The following SEMA6D variants were observed in gnomAD, a reference collection of about 807,000 sequenced individuals.
SEMA6D encodes semaphorin-6D.
Under a neutral mutation model 106.6 loss-of-function variants are expected in SEMA6D, and 35 were observed. That is an observed-to-expected ratio of 0.33 (90% CI 0.25 to 0.44). SEMA6D has a LOEUF of 0.44. SEMA6D is among the 20% of genes least tolerant of loss of function. SEMA6D has a pLI of 1.00. For synonymous variants in SEMA6D, 499 were observed against 487.7 expected (o/e 1.02, Z -0.31); for missense variants, 1,185 against 1,345.9 (o/e 0.88, Z 1.87).
At chr15:47,655,074 C>T (rs2077766271) in intron 4 of SEMA6D, among the ~76,000 whole-genome samples, 1 of 152,088 alleles carries the variant, frequency 6.6e-6, no homozygotes, top group African/African-American at 2.4e-5. Flanking sequence ...AGTTCAAACC[C>T]ATGTTGTTCA....
chr15:47,404,020 G>T, intron 1 of SEMA6D, among the ~76,000 whole-genome samples: 1 of 152,178 alleles, frequency 6.6e-6, no homozygotes, highest in East Asian at 1.9e-4. Flanking sequence ...TTTAAAAAGT[G>T]TGTTCTAGAG....
chr15:47,740,604 C>T (rs1181759400), intron 1 of SEMA6D, among the ~76,000 whole-genome samples: 1 of 152,124 alleles, frequency 6.6e-6, no homozygotes, highest in East Asian at 1.9e-4. Flanking sequence ...CTCTCATATC[C>T]ACTCTGCCTG....
At chr15:47,417,061 A>G (rs189314518) in intron 2 of SEMA6D, among the ~76,000 whole-genome samples, 216 of 152,228 alleles carry the variant, frequency 1.4e-3, no homozygotes, top group Non-Finnish European at 2.2e-3. Context: ...GATAAAGGCA[A>G]TCTTTTTTAT....
intron 1 of SEMA6D, among the ~76,000 whole-genome samples, chr15:47,186,756 A>G (rs1317903309): frequency 6.6e-6 from 1 of 152,198 alleles, no homozygotes; most frequent in Non-Finnish European, 1.5e-5. Context: ...CTGTATACTC[A>G]TTTAACCATC....
In SEMA6D at chr15:47,769,317, GA is replaced by G. The variant is rs911995144; in HGVS notation, c.1933+578del. 1.4e-4 allele frequency among the ~76,000 whole-genome samples: 21 copies of G among 151,178 alleles called. No individual in the cohort carries two copies. In the South Asian group the frequency reaches 1.9e-3, roughly 14 times the overall value. ...TAGCTTATTAAATATATTACTCTAG[GA>G]AAAAAAAATCTATTCTTTAGTACTT... On this transcript the variant is annotated intron_variant, in intron 18 of 18. Transcript: ENST00000536845.
intron 3 of SEMA6D, among the ~76,000 whole-genome samples, chr15:47,588,742 T>A (rs2076386134): frequency 6.6e-6 from 1 of 152,188 alleles, no homozygotes. Context: ...AGAAGGCAGT[T>A]ACACTTAGAC....
intron 1 of SEMA6D, among the ~76,000 whole-genome samples, chr15:47,252,410 G>T (rs1352552209): frequency 6.6e-6 from 1 of 152,012 alleles, no homozygotes; most frequent in African/African-American, 2.4e-5. Flanking sequence ...TAACTTTCAT[G>T]ATTTACTTTT....
chr15:47,528,630 C>A, intron 3 of SEMA6D, among the ~76,000 whole-genome samples: 1 of 152,134 alleles, frequency 6.6e-6, no homozygotes, highest in Non-Finnish European at 1.5e-5. Context: ...CACCATGTAG[C>A]AGGATAGATA....
intron 2 of SEMA6D, among the ~76,000 whole-genome samples, chr15:47,454,103 A>G (rs532068999): frequency 1.3e-5 from 2 of 152,036 alleles, no homozygotes; most frequent in South Asian, 2.1e-4. Context: ...CAGTTTTTCC[A>G]TGCACTCAGT....
At chr15:47,538,608 C>T (rs1311334474) in intron 3 of SEMA6D, among the ~76,000 whole-genome samples, 1 of 152,138 alleles carries the variant, frequency 6.6e-6, no homozygotes, top group African/African-American at 2.4e-5. Flanking sequence ...TGTGAGATAA[C>T]CACAGTGGCT....
chr15:47,487,321 C>T (rs1021011557), intron 3 of SEMA6D, among the ~76,000 whole-genome samples: 2 of 152,166 alleles, frequency 1.3e-5, no homozygotes, highest in East Asian at 1.9e-4. Context: ...GTAGTTCTAT[C>T]GATGCCCCTC....
intron 1 of SEMA6D, among the ~76,000 whole-genome samples, chr15:47,224,121 A>C (rs2031446164): frequency 6.6e-6 from 1 of 151,948 alleles, no homozygotes; most frequent in Non-Finnish European, 1.5e-5. Context: ...AGTAACCTGC[A>C]CAATGTGCAC....
intron 3 of SEMA6D, among the ~76,000 whole-genome samples, chr15:47,574,530 C>T (rs1031653846): frequency 6.6e-5 from 10 of 152,212 alleles, no homozygotes; most frequent in Admixed American, 5.2e-4. Context: ...CTAGAGAACC[C>T]TCAGCAAGAA....
intron 1 of SEMA6D, among the ~76,000 whole-genome samples, chr15:47,272,331 G>A (rs554774406): frequency 6.6e-6 from 1 of 152,264 alleles, no homozygotes; most frequent in East Asian, 1.9e-4. Flanking sequence ...AAAAGATGGA[G>A]TTTGCCTATG....
At chr15:47,355,920 T>A (rs2038546410) in intron 1 of SEMA6D, among the ~76,000 whole-genome samples, 1 of 152,168 alleles carries the variant, frequency 6.6e-6, no homozygotes, top group Non-Finnish European at 1.5e-5. Flanking sequence ...AAGTCTCTGT[T>A]TACAGTATTT....
At chr15:47,636,311 G>A (rs947982333) in intron 4 of SEMA6D, among the ~76,000 whole-genome samples, 4 of 152,168 alleles carry the variant, frequency 2.6e-5, no homozygotes, top group Non-Finnish European at 5.9e-5. Flanking sequence ...CTTGAATTAT[G>A]GTCTTGAAAA....
chr15:47,520,688 A>G (rs2141925867), intron 3 of SEMA6D, among the ~76,000 whole-genome samples: 1 of 152,360 alleles, frequency 6.6e-6, no homozygotes, highest in African/African-American at 2.4e-5. Flanking sequence ...TGTCAGAGCC[A>G]TGAGCGAATG....
chr15:47,494,643 G>A (rs990768681), intron 3 of SEMA6D, among the ~76,000 whole-genome samples: 2 of 148,746 alleles, frequency 1.3e-5, no homozygotes, highest in Non-Finnish European at 3.0e-5. Context: ...GAAGGATTTG[G>A]CAGCATATTT....
chr15:47,238,399 C>T (rs185450027), intron 1 of SEMA6D, among the ~76,000 whole-genome samples: 4 of 152,124 alleles, frequency 2.6e-5, no homozygotes, highest in Admixed American at 2.6e-4. Flanking sequence ...TGATTTGACC[C>T]CTCACCCCCC....
Sources: gnomAD v4.1 joint callset for allele counts (sites outside exome capture counted in the v4.1 genomes callset) on GRCh38, gnomAD v4.1.1 for gene constraint, MANE v1.5 for transcripts, NCBI Gene and HGNC (gene_info 2026-07-23, HGNC 2026-07-21) for gene names.